ESRRG: variants seen among roughly 807,000 people sequenced by gnomAD.
ESRRG encodes estrogen-related receptor gamma.
Under a neutral mutation model 44.0 loss-of-function variants are expected in ESRRG, and 13 were observed. The observed-to-expected ratio is 0.30, with a 90% CI of 0.19 to 0.47. The LOEUF (loss-of-function observed/expected upper bound fraction) is 0.47, where lower values mean the gene tolerates loss of function less well. Among genes scored for constraint, ESRRG ranks in the 20% least tolerant of loss-of-function variants. The pLI, the probability that ESRRG is intolerant of heterozygous loss-of-function variation, is 1.00. For synonymous variants in ESRRG, 215 were observed against 214.6 expected (o/e 1.00, Z -0.02); for missense variants, 395 against 580.6 (o/e 0.68, Z 3.29).
chr1:216,522,063 G>A (rs1347544055), intron 5 of ESRRG, among the ~76,000 whole-genome samples: 1 of 151,480 alleles, frequency 6.6e-6, no homozygotes, highest in Non-Finnish European at 1.5e-5. Flanking sequence ...TTTCTTTGGG[G>A]TTTAATTGAA....
At chr1:216,721,388 G>T (rs1308262805) in intron 1 of ESRRG, among the ~76,000 whole-genome samples, 1 of 152,220 alleles carries the variant, frequency 6.6e-6, no homozygotes, top group African/African-American at 2.4e-5. Flanking sequence ...AATTGAGACA[G>T]AGAGGCAGAT....
At chr1:216,808,150 T>C (rs1367238958) in intron 2 of ESRRG, among the ~76,000 whole-genome samples, 1 of 152,128 alleles carries the variant, frequency 6.6e-6, no homozygotes, top group South Asian at 2.1e-4. Flanking sequence ...GTCTCTTTGA[T>C]GGAATTTGGA....
intron 2 of ESRRG, among the ~76,000 whole-genome samples, chr1:216,671,784 A>G (rs895801643): frequency 5.9e-5 from 9 of 152,162 alleles, no homozygotes; most frequent in Non-Finnish European, 8.8e-5. Flanking sequence ...TTCTAGCACT[A>G]TAATGAGGAG....
At chr1:216,914,280 T>G (rs958987855) in intron 2 of ESRRG, among the ~76,000 whole-genome samples, 4 of 152,164 alleles carry the variant, frequency 2.6e-5, no homozygotes, top group Non-Finnish European at 5.9e-5. Context: ...AAAATTCTGG[T>G]TTTTTATTAG....
intron 1 of ESRRG, among the ~76,000 whole-genome samples, chr1:216,944,989 C>T (rs546716999): frequency 4.6e-5 from 7 of 152,140 alleles, no homozygotes; most frequent in East Asian, 3.9e-4. Flanking sequence ...TCCAACAAAC[C>T]GTCTCCAGTG....
chr1:216,683,202 T>C (rs1340044388), intron 1 of ESRRG, among the ~76,000 whole-genome samples: 1 of 152,192 alleles, frequency 6.6e-6, no homozygotes, highest in Non-Finnish European at 1.5e-5. Context: ...ATAAGAAATA[T>C]CTTAAGGTCT....
intron 1 of ESRRG, among the ~76,000 whole-genome samples, chr1:216,951,973 C>G (rs771463800): frequency 6.6e-6 from 1 of 151,858 alleles, no homozygotes; most frequent in Non-Finnish European, 1.5e-5. Flanking sequence ...AACACACATC[C>G]TGAATTCCTT....
chr1:216,810,541 T>A (rs2094935165), intron 2 of ESRRG, among the ~76,000 whole-genome samples: 1 of 148,982 alleles, frequency 6.7e-6, no homozygotes, highest in Non-Finnish European at 1.5e-5. Flanking sequence ...AATGTGGTGG[T>A]CAAGTAATAG....
chr1:216,534,386 C>T (rs2050275397), intron 5 of ESRRG, among the ~76,000 whole-genome samples: 1 of 152,090 alleles, frequency 6.6e-6, no homozygotes, highest in Admixed American at 6.6e-5. Flanking sequence ...AAAGAGAAAG[C>T]TAGATATATG....
chr1:217,135,780 C>T (rs1180721597), intron 1 of ESRRG, among the ~76,000 whole-genome samples: 1 of 152,218 alleles, frequency 6.6e-6, no homozygotes, highest in Admixed American at 6.5e-5. Context: ...CGCTGGGCGC[C>T]TCCGGGATCG....
chr1:216,754,701 A>C lies in ESRRG; in HGVS notation c.-13-77210T>G, dbSNP rs549918241. Among the ~76,000 whole-genome samples the C allele has an allele frequency of 3.4e-3, 432 of 125,308 alleles. 1 individual carries two copies. The highest frequency in any genetic ancestry group is 0.016 in the African/African-American group (419 of 26,912). The allele number at this position is 125,308 out of a possible 152,430, so 82.2% of individuals were successfully genotyped here. ...AGTACAACCAGGCAAAAGAGAAAGA[A>C]CTTTTTTTTTTTTTTTTTTTGCCAC... is the stretch of plus-strand genomic sequence containing the variant. On this transcript the variant is annotated intron_variant, in intron 2 of 7. Coordinates refer to the ESRRG transcript ENST00000359162.
chr1:216,955,025 C>G (rs900346943), intron 1 of ESRRG, among the ~76,000 whole-genome samples: 2 of 152,054 alleles, frequency 1.3e-5, no homozygotes, highest in African/African-American at 4.8e-5. Flanking sequence ...TCATCATAAC[C>G]ATTTATCACT....
At chr1:216,719,702 C>A (rs757093305) in intron 1 of ESRRG, among the ~76,000 whole-genome samples, 3 of 151,780 alleles carry the variant, frequency 2.0e-5, no homozygotes, top group South Asian at 2.1e-4. Context: ...AACAATGATA[C>A]CTTATTTGGG....
At chr1:216,756,127 G>A (rs1358789402) in intron 2 of ESRRG, among the ~76,000 whole-genome samples, 2 of 152,010 alleles carry the variant, frequency 1.3e-5, no homozygotes, top group African/African-American at 4.8e-5. Context: ...AATGTAGATA[G>A]CATCTGCTCT....
intron 1 of ESRRG, among the ~76,000 whole-genome samples, chr1:217,004,001 T>G (rs1195742913): frequency 1.3e-5 from 2 of 151,940 alleles, no homozygotes; most frequent in East Asian, 3.9e-4. Context: ...AATCATAATC[T>G]CATAAATAAA....
chr1:216,781,088 C>A (rs1362404050), intron 2 of ESRRG, among the ~76,000 whole-genome samples: 1 of 151,836 alleles, frequency 6.6e-6, no homozygotes, highest in Non-Finnish European at 1.5e-5. Context: ...AATCTCTTAT[C>A]CAAAACAAAT....
chr1:216,953,911 TG>T (rs1417244855), intron 1 of ESRRG, among the ~76,000 whole-genome samples: 1 of 151,964 alleles, frequency 6.6e-6, no homozygotes, highest in Non-Finnish European at 1.5e-5. Flanking sequence ...TATATCAATT[TG>T]GGGGGCAATG....
intron 1 of ESRRG, chr1:216,959,830 C>A (rs2150160700): frequency 6.6e-6 from 1 of 152,142 alleles, no homozygotes; most frequent in African/African-American, 2.4e-5. Flanking sequence ...TACATCTGTA[C>A]ATATACATGT....
intron 3 of ESRRG, among the ~76,000 whole-genome samples, chr1:216,617,275 G>A (rs564315691): frequency 3.3e-5 from 5 of 152,180 alleles, no homozygotes; most frequent in Middle Eastern, 3.4e-3. Context: ...TAAAAGAATC[G>A]TGGCTGAAGG....
Sources: allele counts gnomAD v4.1 joint callset (sites outside exome capture counted in the v4.1 genomes callset), GRCh38; gene constraint gnomAD v4.1.1; transcripts MANE v1.5; gene names NCBI Gene and HGNC (gene_info 2026-07-23, HGNC 2026-07-21).